The following LTK variants were observed in gnomAD, a reference collection of about 807,000 sequenced individuals.
LTK encodes leukocyte tyrosine kinase receptor.
A neutral mutation model predicts 101.5 loss-of-function variants in LTK; 117 were observed. The ratio of observed to expected loss-of-function variants is 1.15; its 90% confidence interval spans 0.99 to 1.34. LTK has a LOEUF of 1.34. Among genes scored for constraint, LTK ranks in the 40% most tolerant of loss-of-function variants. The pLI is 0.00. For synonymous variants in LTK, 563 were observed against 494.2 expected, an observed-to-expected ratio of 1.14 and a Z score of -1.85; for missense variants, 1,252 against 1,164.7, an observed-to-expected ratio of 1.07 and a Z score of -1.09.
intron 15 of LTK, 57 bp from the exon 16 acceptor site, chr15:41,505,121 A>C: frequency 6.3e-7 from 1 of 1,585,244 alleles, no homozygotes. Context: ...GCTCTTCCTG[A>C]TCTATTTCCT....
chr15:41,510,303 G>C (rs1054408428), intron 7 of LTK, among the ~76,000 whole-genome samples: 1 of 152,068 alleles, frequency 6.6e-6, no homozygotes, highest in Non-Finnish European at 1.5e-5. Flanking sequence ...ACCGCGCCCC[G>C]CCTCTCTTAG....
In LTK at chr15:41,503,663, G is replaced by T; in HGVS notation, c.*333C>A. On this transcript the variant is annotated 3_prime_UTR_variant, in exon 20 of 20. Transcript: ENST00000263800. Reference sequence around the variant, plus strand: ...GGAGGATGAGAAGAGCTTTTTATTAGAAGCATCTGCAGGGTGGGGGGTCTG... The same window carrying T: ...GGAGGATGAGAAGAGCTTTTTATTATAAGCATCTGCAGGGTGGGGGGTCTG... 1 of 603,246 alleles carries T rather than the reference G, an allele frequency of 1.7e-6. No individual in the cohort carries two copies. The highest frequency in any genetic ancestry group is 3.2e-6 in the Non-Finnish European group (1 of 316,040). The allele number at this position is 603,246 out of a possible 1,614,324, so 37.4% of individuals were successfully genotyped here. A position where few individuals can be genotyped will look rare whatever the true frequency, so the allele number is the denominator to read the frequency against.
At chr15:41,510,997 G>A (rs1002604957) in intron 7 of LTK, among the ~76,000 whole-genome samples, 167 bp downstream of exon 7, 9 of 152,220 alleles carry the variant, frequency 5.9e-5, no homozygotes, top group Non-Finnish European at 1.3e-4. Context: ...GATTTGCAGT[G>A]TATTTGACCT....
chr15:41,511,952 C>T lies in LTK; in HGVS notation c.522G>A (p.Glu174=). ...ACTCCCCGAGGCAGACGAGCTGGCTCTCCGGGCTACCCTGCGGGCAGCGGG... is the reference window on the plus strand; with the variant it reads ...ACTCCCCGAGGCAGACGAGCTGGCTTTCCGGGCTACCCTGCGGGCAGCGGG... ...GEDACPGGSP[E]SQLVCLGESR... Residue 174 remains glutamate, a synonymous_variant, in exon 5 of 20, where the codon GAG becomes GAA. Coordinates refer to ENST00000263800, the MANE Select transcript of LTK (RefSeq NM_002344.6). The surrounding 1 kb of genome is among the most constrained non-coding windows in gnomAD (Gnocchi z 5.9). 6.7e-7 allele frequency: 1 copy of T among 1,488,268 alleles called. No individual in the cohort carries two copies. The highest frequency in any genetic ancestry group is 8.8e-7 in the Non-Finnish European group (1 of 1,133,168). 92.2% of individuals were successfully genotyped at this position (1,488,268 alleles called of 1,614,324 possible).
chr15:41,506,673 C>G (rs2051296141), intron 11 of LTK, among the ~76,000 whole-genome samples: 1 of 152,180 alleles, frequency 6.6e-6, no homozygotes, highest in Non-Finnish European at 1.5e-5. Flanking sequence ...TCACCACAAC[C>G]TCCGCCTCCC....
Position 41,505,503 on chromosome 15 carries a change from C to A in LTK, c.1725G>T (p.Arg575=), listed in dbSNP as rs748083445. The part of the protein sequence containing the change: ...ISKFRHQNIV[R]CVGLSLRATP... ...TGGCCCTGAGGCTGAGCCCCACACA[C>A]CGCACAATGTTCTGATGGCGAAACT... Residue 575 remains arginine (R), a synonymous_variant, in exon 14 of 20, where the codon CGG becomes CGT. Coordinates refer to ENST00000263800, the MANE Select transcript of LTK (RefSeq NM_002344.6). The A allele has an allele frequency of 2.5e-6, 4 of 1,613,938 alleles. No homozygotes were observed. Among genetic ancestry groups the A allele is most frequent in the Non-Finnish European group, 3.4e-6 (4 of 1,180,008 alleles).
rs1234879522 is a variant in LTK, at chr15:41,513,791, C to A, written c.-82G>T. Reference sequence around the variant, plus strand: ...AACCTAAAGTTGACAGCTCATTTTGCCACGGCAGCCCTGGCCACCACTTAC... The same window carrying A: ...AACCTAAAGTTGACAGCTCATTTTGACACGGCAGCCCTGGCCACCACTTAC... On this transcript the variant is annotated 5_prime_UTR_variant, in exon 1 of 20. Coordinates refer to ENST00000263800, the MANE Select transcript of LTK (RefSeq NM_002344.6). 8 of 1,245,150 alleles carry A rather than the reference C, an allele frequency of 6.4e-6. No individual in the cohort carries two copies. The highest frequency in any genetic ancestry group is 9.5e-6 in the Non-Finnish European group (8 of 845,836). The allele number at this position is 1,245,150 out of a possible 1,614,324, so 77.1% of individuals were successfully genotyped here.
chr15:41,504,167 C>A lies in LTK; in HGVS notation c.2424G>T (p.Gly808=). The A allele has an allele frequency of 6.2e-7, 1 of 1,613,832 alleles. No individual in the cohort carries two copies. Among genetic ancestry groups the A allele is most frequent in the South Asian group, 1.1e-5 (1 of 91,066 alleles). The change falls in exon 20 of 20, where the codon GGG becomes GGT. Residue 808 remains glycine, a synonymous_variant. Coordinates refer to ENST00000263800, the MANE Select transcript of LTK (RefSeq NM_002344.6). ...TPEEEGTSGL[G]NRSLECLRPP... is the part of the protein sequence containing the mutation. Reference sequence around the variant, plus strand: ...GTCTTAGGCACTCCAAAGATCTGTTCCCCAGCCCAGAAGTCCCTTCCTCCT... The same window carrying A: ...GTCTTAGGCACTCCAAAGATCTGTTACCCAGCCCAGAAGTCCCTTCCTCCT...
chr15:41,511,416 C>G lies in LTK; in HGVS notation c.814+6G>C, dbSNP rs941039837. Reference sequence around the variant, plus strand: ...GCCCGCCTCTCCCCGCGGCCCGCGCCCTCACCTGCCGCCCCGCCTCTCCCG... The same window carrying G: ...GCCCGCCTCTCCCCGCGGCCCGCGCGCTCACCTGCCGCCCCGCCTCTCCCG... On this transcript the variant is annotated splice_donor_region_variant and intron_variant, in intron 6 of 19. Coordinates refer to ENST00000263800, the MANE Select transcript of LTK (RefSeq NM_002344.6). The surrounding 1 kb of genome is among the most constrained non-coding windows in gnomAD (Gnocchi z 5.9). The G allele has an allele frequency of 8.7e-6, 12 of 1,383,002 alleles. No homozygotes were observed. The highest frequency in any genetic ancestry group is 2.4e-4 in the Middle Eastern group (1 of 4,234). The allele number at this position is 1,383,002 out of a possible 1,614,324, so 85.7% of individuals were successfully genotyped here.
At chr15:41,512,655 G>T in intron 3 of LTK, 52 bp downstream of exon 3, 1 of 1,484,150 alleles carries the variant, frequency 6.7e-7, no homozygotes, top group Non-Finnish European at 8.9e-7. Context: ...CCCTGAGGGT[G>T]AAACCTCCAA....
At position 41,511,886 on chromosome 15, in the gene LTK, T is replaced by C; in HGVS notation, c.588A>G (p.Glu196=). Residue 196 remains glutamate, a synonymous_variant, in exon 5 of 20, where the codon GAA becomes GAG. Coordinates refer to ENST00000263800, the MANE Select transcript of LTK (RefSeq NM_002344.6). The surrounding 1 kb of genome is among the most constrained non-coding windows in gnomAD (Gnocchi z 5.9). ...VEEHAAMDGS[E]GVPGSRRWAG... ...CCCAGCGCCGCGACCCCGGGACCCC[T>C]TCGCTCCCATCCATCGCCGCGTGCT... 1 of 1,193,092 alleles carries C rather than the reference T, an allele frequency of 8.4e-7. No homozygotes were observed. Among genetic ancestry groups the C allele is most frequent in the Admixed American group, 3.9e-5 (1 of 25,908 alleles). The allele number at this position is 1,193,092 out of a possible 1,614,324, so 73.9% of individuals were successfully genotyped here. A position where few individuals can be genotyped will look rare whatever the true frequency, so the allele number is the denominator to read the frequency against.
In LTK at chr15:41,507,639, C is replaced by G. The variant is rs777304468; in HGVS notation, c.1268G>C (p.Gly423Ala). Residue 423 changes from glycine (G) to alanine (A), a missense_variant, in exon 10 of 20, where the codon GGC becomes GCC. Physicochemically the swap from Gly to Ala is moderately conservative, Grantham distance 60. Coordinates refer to ENST00000263800, the MANE Select transcript of LTK (RefSeq NM_002344.6). ...VTCMDLHKPP[G>A]PLVLMVAVVA... is the part of the protein sequence containing the mutation. ...CACAGCCACCATCAGAACCAGAGGGCCTGGGGGCTTGTGCAGGTCTAGGGA... is the reference window on the plus strand; with the variant it reads ...CACAGCCACCATCAGAACCAGAGGGGCTGGGGGCTTGTGCAGGTCTAGGGA... The G allele has an allele frequency of 6.2e-7, 1 of 1,613,602 alleles. No individual in the cohort carries two copies. The highest frequency in any genetic ancestry group is 2.2e-5 in the East Asian group (1 of 44,854).
At position 41,513,016 on chromosome 15, in the gene LTK, G is replaced by A. The variant is rs1286813978; in HGVS notation, c.148C>T (p.Pro50Ser). Reference protein sequence around the residue: ...SPRDPKVSAPPSILEPASPLN... With the variant: ...SPRDPKVSAPSSILEPASPLN... Reference sequence around the variant, plus strand: ...GGGGAGGCTGGCTCCAAGATACTAGGCGGGGCGCTGACTTTCGGGTCCCGG... The same window carrying A: ...GGGGAGGCTGGCTCCAAGATACTAGACGGGGCGCTGACTTTCGGGTCCCGG... The change falls in exon 2 of 20, where the codon CCT (proline) becomes TCT (serine). Residue 50 changes from proline to serine, a missense_variant. Coordinates refer to ENST00000263800, the MANE Select transcript of LTK (RefSeq NM_002344.6). 1.9e-6 allele frequency: 3 copies of A among 1,613,236 alleles called. No individual in the cohort carries two copies. Among genetic ancestry groups the A allele is most frequent in the Non-Finnish European group, 1.7e-6 (2 of 1,179,850 alleles).
Position 41,504,552 on chromosome 15 carries a change from C to T in LTK, c.2209G>A (p.Val737Ile), listed in dbSNP as rs140077464. ...RTNQEVLDFV[V>I]GGGRMDPPRG... ...GGAGGGTCCATCCGGCCTCCTCCAA[C>T]GACGAAGTCCAGCACCTCCTGGTTG... is the stretch of plus-strand genomic sequence containing the variant. Residue 737 changes from valine (V) to isoleucine (I), a missense_variant, in exon 18 of 20, where the codon GTT becomes ATT. By Grantham distance (29) the Val-to-Ile change is conservative. Transcript: ENST00000263800. 244 of 1,613,876 alleles carry T rather than the reference C, an allele frequency of 1.5e-4. No individual in the cohort carries two copies. Among genetic ancestry groups the T allele is most frequent in the Admixed American group, 3.3e-4 (20 of 60,014 alleles).
At chr15:41,504,724 C>T in intron 17 of LTK, 49 bp downstream of exon 17, 1 of 1,551,508 alleles carries the variant, frequency 6.4e-7, no homozygotes, top group Non-Finnish European at 8.8e-7. Context: ...ACAGGATTAG[C>T]CTCAGGGGAG....
chr15:41,505,063 C>A lies in LTK; in HGVS notation c.1927G>T (p.Asp643Tyr). 1.2e-6 allele frequency: 2 copies of A among 1,612,030 alleles called. No homozygotes were observed. The highest frequency in any genetic ancestry group is 1.7e-6 in the Non-Finnish European group (2 of 1,178,888). The stretch of plus-strand genomic sequence containing the variant: ...AGCAGGCAGTTCCGGGCGGCAATAT[C>A]CCTACAGAGTAGGCAAAAAAAATCA... Reference protein sequence around the residue: ...YLEENHFIHRDIAARNCLLSC... With the variant: ...YLEENHFIHRYIAARNCLLSC... The change falls in exon 16 of 20, where the codon GAT (aspartate) becomes TAT (tyrosine). Residue 643 changes from aspartate (D) to tyrosine (Y), a missense_variant and splice_region_variant. Coordinates refer to ENST00000263800, the MANE Select transcript of LTK (RefSeq NM_002344.6).
chr15:41,510,642 A>G (rs2051426789), intron 7 of LTK, among the ~76,000 whole-genome samples: 1 of 152,084 alleles, frequency 6.6e-6, no homozygotes, highest in African/African-American at 2.4e-5. Flanking sequence ...TTGTATTTTT[A>G]GTACAGACAG....
Position 41,507,447 on chromosome 15 carries a change from C to T in LTK, c.1345+115G>A, listed in dbSNP as rs148459234. 179 of 1,549,154 alleles carry T rather than the reference C, an allele frequency of 1.2e-4. No homozygotes were observed. The East Asian group carries it at 1.2e-3, about 10-fold the overall frequency. On this transcript the variant is annotated intron_variant, in intron 10 of 19. Transcript: ENST00000263800. ...CTTAGAATCCCAGAGGAGTCTACCA[C>T]GGCTCTGCTGCGGTGAGTGGTCTTG...
At position 41,507,301 on chromosome 15, in the gene LTK, G is replaced by A; in HGVS notation, c.1346-11C>T. 1 of 1,587,166 alleles carries A rather than the reference G, an allele frequency of 6.3e-7. No individual in the cohort carries two copies. The highest frequency in any genetic ancestry group is 8.6e-7 in the Non-Finnish European group (1 of 1,166,662). On this transcript the variant is annotated splice_polypyrimidine_tract_variant and intron_variant, in intron 10 of 19. Transcript: ENST00000263800. ...ACTTCTTCTGCTTCACTGGGGGTGG[G>A]AAGAATAACGGCACACCCTCCACCT...
Sources: allele counts gnomAD v4.1 joint callset (sites outside exome capture counted in the v4.1 genomes callset), GRCh38; gene constraint gnomAD v4.1.1; non-coding constraint Gnocchi (gnomAD v3.1); transcripts MANE v1.5; gene names NCBI Gene and HGNC (gene_info 2026-07-23, HGNC 2026-07-21).